USP48: variants seen among roughly 807,000 people sequenced by gnomAD.
USP48 encodes ubiquitin specific peptidase 48, also known as ubiquitin carboxyl-terminal hydrolase 48.
Under a neutral mutation model 150.7 loss-of-function variants are expected in USP48, and 43 were observed. The ratio of observed to expected loss-of-function variants is 0.29; its 90% CI spans 0.22 to 0.37. The LOEUF is 0.37. Ranked by LOEUF, USP48 falls within the 10% of genes least tolerant of loss-of-function variation. The pLI, the probability that USP48 is intolerant of heterozygous loss-of-function variation, is 1.00. For missense variants in USP48, 813 were observed against 1,249.6 expected, an observed-to-expected ratio of 0.65 and a Z score of 5.27; for synonymous variants, 396 against 425.9, an observed-to-expected ratio of 0.93 and a Z score of 0.86.
At chr1:21,685,119 T>C (rs998253815) in intron 25 of USP48, among the ~76,000 whole-genome samples, 3 of 152,186 alleles carry the variant, frequency 2.0e-5, no homozygotes, top group African/African-American at 7.2e-5. Flanking sequence ...ATCTGCAGGT[T>C]ATTTTGGGTA....
At chr1:21,679,663 A>G (rs1217168813) in intron 26 of USP48, among the ~76,000 whole-genome samples, 1 of 152,240 alleles carries the variant, frequency 6.6e-6, no homozygotes, top group African/African-American at 2.4e-5. Context: ...GTATCTTCAC[A>G]CAAACTAACC....
intron 8 of USP48, among the ~76,000 whole-genome samples, chr1:21,739,865 G>A (rs1296254806): frequency 1.3e-5 from 2 of 152,088 alleles, no homozygotes; most frequent in African/African-American, 4.8e-5. Flanking sequence ...CTGTTTGTAC[G>A]TGTTTGACTT....
chr1:21,701,462 G>C, intron 22 of USP48, 36 bp downstream of exon 22: 2 of 1,579,340 alleles, frequency 1.3e-6, no homozygotes, highest in Non-Finnish European at 1.7e-6. Flanking sequence ...AAGAACAGCA[G>C]AAAGTATAAC....
chr1:21,697,647 G>A (rs1389785484), intron 22 of USP48, among the ~76,000 whole-genome samples: 12 of 147,934 alleles, frequency 8.1e-5, no homozygotes, highest in Admixed American at 2.0e-4. Context: ...TGGGCAACAG[G>A]GCAAGACTCC....
In USP48 at chr1:21,691,432, A is replaced by C. The variant is rs1450036815; in HGVS notation, c.2884-1333T>G. 2.0e-5 allele frequency among the ~76,000 whole-genome samples: 3 copies of C among 152,110 alleles called. No individual in the cohort carries two copies. The East Asian group carries it at 5.8e-4, about 29-fold the overall frequency. ...GTGGATCACCTGAGGTCAGGAGTTC[A>C]AGACCAGCCTGGCCATCATGGCAAA... On this transcript the variant is annotated intron_variant, in intron 23 of 26. Coordinates refer to ENST00000308271, the MANE Select transcript of USP48 (RefSeq NM_032236.8).
chr1:21,699,054 G>A (rs550744136), intron 22 of USP48, among the ~76,000 whole-genome samples: 2 of 152,172 alleles, frequency 1.3e-5, no homozygotes, highest in African/African-American at 2.4e-5. Context: ...TACATGCACA[G>A]AGTCTTGCTC....
At chr1:21,700,006 A>G (rs969013598) in intron 22 of USP48, among the ~76,000 whole-genome samples, 3 of 147,686 alleles carry the variant, frequency 2.0e-5, no homozygotes, top group Admixed American at 6.7e-5. Context: ...TTGTGGAGAC[A>G]TATTAGTAGA....
rs2097719494 is a variant in USP48, at chr1:21,721,077, T to C, written c.1853A>G (p.Glu618Gly). ...EQLDEQDGDAEQSNGKMNGST... is the reference protein window; with the variant it reads ...EQLDEQDGDAGQSNGKMNGST... Reference sequence around the variant, plus strand: ...ACCGTTCATCTTTCCGTTGCTTTGTTCTGCATCACCATCTTGCTCATCCAG... The same window carrying C: ...ACCGTTCATCTTTCCGTTGCTTTGTCCTGCATCACCATCTTGCTCATCCAG... Residue 618 changes from glutamate (E) to glycine (G), a missense_variant, in exon 14 of 27, where the codon GAA becomes GGA. Physicochemically the swap from Glu to Gly is moderately conservative, Grantham distance 98. Coordinates refer to ENST00000308271, the MANE Select transcript of USP48 (RefSeq NM_032236.8). The C allele has an allele frequency of 6.2e-7, 1 of 1,614,166 alleles. No individual in the cohort carries two copies. The highest frequency in any genetic ancestry group is 8.5e-7 in the Non-Finnish European group (1 of 1,180,056).
At chr1:21,774,720 G>T (rs1426169830) in intron 1 of USP48, among the ~76,000 whole-genome samples, 1 of 150,960 alleles carries the variant, frequency 6.6e-6, no homozygotes, top group Non-Finnish European at 1.5e-5. Flanking sequence ...AGCCAGGTGC[G>T]GTGGCTCACA....
chr1:21,748,263 T>C lies in USP48; in HGVS notation c.783A>G (p.Lys261=), dbSNP rs1198766305. Residue 261 remains lysine, a synonymous_variant, in exon 7 of 27, where the codon AAA becomes AAG. Transcript: ENST00000308271. ...DCISEFLKEE[K]LEGDNRYFCE... ...AAAAATAGCGATTGTCTCCTTCTAA[T>C]TTTTCTTCCTGATCAAGAATAAGAC... 6.2e-7 allele frequency: 1 copy of C among 1,611,716 alleles called. No individual in the cohort carries two copies. Among genetic ancestry groups the C allele is most frequent in the Admixed American group, 1.7e-5 (1 of 59,612 alleles).
At chr1:21,749,232 C>A (rs997888690) in intron 6 of USP48, among the ~76,000 whole-genome samples, 3 of 152,102 alleles carry the variant, frequency 2.0e-5, no homozygotes, top group African/African-American at 7.2e-5. Flanking sequence ...CTTCACTTGG[C>A]TTCCAGGATA....
chr1:21,687,045 T>C (rs532856223), intron 25 of USP48, 146 bp downstream of exon 25: 87 of 728,636 alleles, frequency 1.2e-4, no homozygotes, highest in South Asian at 3.7e-5. Context: ...TATGATCTTT[T>C]AAGATAATGT....
chr1:21,751,416 G>A, intron 6 of USP48, 91 bp downstream of exon 6: 1 of 961,216 alleles, frequency 1.0e-6, no homozygotes, highest in East Asian at 2.4e-5. Context: ...CACAATAAAA[G>A]CTCTAGCCAC....
chr1:21,682,289 C>T (rs1430512045), intron 25 of USP48, among the ~76,000 whole-genome samples: 1 of 152,020 alleles, frequency 6.6e-6, no homozygotes, highest in Non-Finnish European at 1.5e-5. Flanking sequence ...ATTTGACTGG[C>T]TTTCCCTCCT....
At chr1:21,685,512 G>A (rs1209932234) in intron 25 of USP48, among the ~76,000 whole-genome samples, 3 of 151,786 alleles carry the variant, frequency 2.0e-5, no homozygotes, top group East Asian at 3.9e-4. Context: ...ATGGGGTTTC[G>A]CCATGTTGGC....
chr1:21,699,205 T>G (rs1353379362), intron 22 of USP48, among the ~76,000 whole-genome samples: 1 of 142,262 alleles, frequency 7.0e-6, no homozygotes, highest in Non-Finnish European at 1.5e-5. Flanking sequence ...TTTTTTTTTT[T>G]TTTTTTTTTT....
At chr1:21,765,626 G>A (rs201118283) in intron 1 of USP48, among the ~76,000 whole-genome samples, 3 of 102,502 alleles carry the variant, frequency 2.9e-5, no homozygotes, top group African/African-American at 1.1e-4. Flanking sequence ...AAAAAAAAAA[G>A]GGGGGGACAG....
intron 25 of USP48, among the ~76,000 whole-genome samples, chr1:21,684,085 C>T (rs184670773): frequency 2.0e-5 from 3 of 152,248 alleles, no homozygotes; most frequent in African/African-American, 7.2e-5. Flanking sequence ...AACAGTGCTG[C>T]AATAAACATG....
At chr1:21,719,724 G>A (rs2097714649) in intron 14 of USP48, among the ~76,000 whole-genome samples, 1 of 152,028 alleles carries the variant, frequency 6.6e-6, no homozygotes, top group Non-Finnish European at 1.5e-5. Flanking sequence ...AAAATTAGCT[G>A]GGCGTGGTGG....
Sources: gnomAD v4.1 joint callset for allele counts (sites outside exome capture counted in the v4.1 genomes callset) on GRCh38, gnomAD v4.1.1 for gene constraint, MANE v1.5 for transcripts, NCBI Gene and HGNC (gene_info 2026-07-23, HGNC 2026-07-21) for gene names.